The following PDSS2 variants were observed in gnomAD, a reference collection of about 807,000 sequenced individuals.
PDSS2 encodes decaprenyl diphosphate synthase subunit 2.
A neutral mutation model predicts 44.5 loss-of-function variants in PDSS2; 31 were observed. The observed-to-expected ratio is 0.70, with a 90% CI of 0.52 to 0.94. PDSS2 has a LOEUF of 0.94. PDSS2 is among the 40% of genes least tolerant of loss of function. PDSS2 has a pLI of 0.00. For synonymous variants in PDSS2, 157 were observed against 180.3 expected (o/e 0.87, Z 1.03); for missense variants, 452 against 482.2 (o/e 0.94, Z 0.59).
chr6:107,181,315 C>T (rs1400749320), intron 7 of PDSS2, among the ~76,000 whole-genome samples: 2 of 150,512 alleles, frequency 1.3e-5, no homozygotes, highest in Non-Finnish European at 3.0e-5. Context: ...CGGGTAATCA[C>T]CTCCCAAAGG....
At chr6:107,250,076 C>A (rs1774762056) in intron 3 of PDSS2, among the ~76,000 whole-genome samples, 1 of 151,940 alleles carries the variant, frequency 6.6e-6, no homozygotes. Context: ...ATGATGAATA[C>A]CCTCACAAAG....
chr6:107,456,372 T>A (rs940801208), intron 1 of PDSS2, among the ~76,000 whole-genome samples: 1 of 152,018 alleles, frequency 6.6e-6, no homozygotes, highest in African/African-American at 2.4e-5. Context: ...CACAACAGAA[T>A]TTCACACACA....
chr6:107,165,628 G>T (rs1430287041), intron 7 of PDSS2, among the ~76,000 whole-genome samples: 12 of 152,198 alleles, frequency 7.9e-5, no homozygotes, highest in African/African-American at 2.6e-4. Flanking sequence ...TTTTGGCTTA[G>T]GATTGTCTTG....
At chr6:107,210,607 GTA>G (rs1773165544) in intron 5 of PDSS2, 37 bp from the exon 6 acceptor site, 1 of 1,321,380 alleles carries the variant, frequency 7.6e-7, no homozygotes. Flanking sequence ...TTAGTGAAAT[GTA>G]TATACACTAG....
chr6:107,242,200 G>A (rs1029881234), intron 4 of PDSS2, among the ~76,000 whole-genome samples: 1 of 152,210 alleles, frequency 6.6e-6, no homozygotes, highest in African/African-American at 2.4e-5. Flanking sequence ...GAGGCATCAA[G>A]AAGCACTCCC....
intron 4 of PDSS2, among the ~76,000 whole-genome samples, chr6:107,233,362 T>TA (rs1315025155): frequency 1.3e-5 from 2 of 152,198 alleles, no homozygotes; most frequent in African/African-American, 4.8e-5. Flanking sequence ...GCCTGTGTTC[T>TA]TTATTGCTTT....
chr6:107,368,641 C>T (rs1779036045), intron 1 of PDSS2, among the ~76,000 whole-genome samples: 1 of 151,964 alleles, frequency 6.6e-6, no homozygotes, highest in Non-Finnish European at 1.5e-5. Flanking sequence ...ATTGTTTGAG[C>T]TTGGGAGTTC....
intron 4 of PDSS2, among the ~76,000 whole-genome samples, chr6:107,237,850 C>T (rs1202234759): frequency 2.7e-5 from 4 of 147,420 alleles, no homozygotes; most frequent in Admixed American, 6.8e-5. Flanking sequence ...GAGCCAAGAT[C>T]GCACCACTGT....
At chr6:107,456,698 C>G (rs955183367) in intron 1 of PDSS2, among the ~76,000 whole-genome samples, 1 of 152,134 alleles carries the variant, frequency 6.6e-6, no homozygotes, top group East Asian at 1.9e-4. Context: ...TGCATCCCCA[C>G]GCCCAACTAA....
chr6:107,399,232 C>A (rs1780036219), intron 1 of PDSS2, among the ~76,000 whole-genome samples: 2 of 152,134 alleles, frequency 1.3e-5, no homozygotes. Context: ...AGTACAGGCC[C>A]TTAGCCTCTA....
chr6:107,240,322 G>A (rs1562400541), intron 4 of PDSS2, among the ~76,000 whole-genome samples: 1 of 152,046 alleles, frequency 6.6e-6, no homozygotes, highest in Non-Finnish European at 1.5e-5. Context: ...GACTGCTTGA[G>A]CCCAGGAGTT....
rs374541215 is a variant in PDSS2, at chr6:107,349,698, G to A, written c.297-15366C>T. ...CGGGAGGAGGAGGTTGTAGTGAGCCGAGATCGTGCCATTGCACTCCAGCCT... is the reference window on the plus strand; with the variant it reads ...CGGGAGGAGGAGGTTGTAGTGAGCCAAGATCGTGCCATTGCACTCCAGCCT... On this transcript the variant is annotated intron_variant, in intron 1 of 7. Coordinates refer to ENST00000369037, the MANE Select transcript of PDSS2 (RefSeq NM_020381.4). 2.6e-5 allele frequency among the ~76,000 whole-genome samples: 4 copies of A among 152,224 alleles called. No homozygotes were observed. In the East Asian group the frequency reaches 5.8e-4, roughly 22 times the overall value.
chr6:107,158,791 C>A (rs1362837354), intron 7 of PDSS2, among the ~76,000 whole-genome samples: 1 of 151,812 alleles, frequency 6.6e-6, no homozygotes, highest in Admixed American at 6.6e-5. Context: ...TGCAATGGTG[C>A]AACCTCGACT....
At chr6:107,208,694 T>C (rs1331053230) in intron 6 of PDSS2, among the ~76,000 whole-genome samples, 1 of 150,194 alleles carries the variant, frequency 6.7e-6, no homozygotes. Context: ...CTGCAGCCTC[T>C]GCCTTATAGG....
intron 1 of PDSS2, among the ~76,000 whole-genome samples, chr6:107,395,950 T>C (rs546996817): frequency 5.3e-5 from 8 of 152,354 alleles, no homozygotes; most frequent in Admixed American, 3.9e-4. Flanking sequence ...GTTTCATTTA[T>C]GGTGGCTTAG....
At chr6:107,357,627 T>C (rs1047351840) in intron 1 of PDSS2, among the ~76,000 whole-genome samples, 3 of 152,056 alleles carry the variant, frequency 2.0e-5, no homozygotes, top group Admixed American at 1.3e-4. Flanking sequence ...TTTTAAAAAG[T>C]AGGGGAGGAA....
At chr6:107,300,362 G>C (rs1776653523) in intron 2 of PDSS2, among the ~76,000 whole-genome samples, 1 of 150,956 alleles carries the variant, frequency 6.6e-6, no homozygotes, top group Non-Finnish European at 1.5e-5. Flanking sequence ...AAGTAGTTAA[G>C]AGGTCGTCGG....
Position 107,274,143 on chromosome 6 carries a change from T to C in PDSS2, c.516A>G (p.Gln172=), listed in dbSNP as rs774076060. The change falls in exon 3 of 8, where the codon CAA becomes CAG. Residue 172 remains glutamine (Q), a synonymous_variant. Transcript: ENST00000369037. Reference sequence around the variant, plus strand: ...TGTCTTTCAGTGGACCATCAGATGATTGCAACTCATTTAAATTTACTATCC... The same window carrying C: ...TGTCTTTCAGTGGACCATCAGATGACTGCAACTCATTTAAATTTACTATCC... ...HRGIVNLNEL[Q]SSDGPLKDMQ... The C allele has an allele frequency of 2.5e-6, 4 of 1,613,504 alleles. No homozygotes were observed. Among genetic ancestry groups the C allele is most frequent in the East Asian group, 2.2e-5 (1 of 44,884 alleles).
intron 4 of PDSS2, among the ~76,000 whole-genome samples, chr6:107,223,537 A>C (rs148766338): frequency 0.018 from 2,749 of 150,818 alleles, 166 homozygotes; most frequent in African/African-American, 0.056. Flanking sequence ...TCCATCTCAA[A>C]AAACAAACAA....
Sources: gnomAD v4.1 joint callset for allele counts (sites outside exome capture counted in the v4.1 genomes callset) on GRCh38, gnomAD v4.1.1 for gene constraint, MANE v1.5 for transcripts, NCBI Gene and HGNC (gene_info 2026-07-23, HGNC 2026-07-21) for gene names.